MYO3B: variants seen among roughly 807,000 people sequenced by gnomAD.
MYO3B encodes the protein myosin-IIIb.
Under a neutral mutation model 174.6 loss-of-function variants are expected in MYO3B, and 156 were observed. That is an observed-to-expected ratio of 0.89 (90% CI 0.78 to 1.02). The LOEUF is 1.02. MYO3B is among the 50% of genes least tolerant of loss of function. MYO3B has a pLI of 0.00. For missense variants in MYO3B, 1,632 were observed against 1,639.4 expected (o/e 1.00, Z 0.08); for synonymous variants, 563 against 569.1 (o/e 0.99, Z 0.15).
At chr2:170,498,758 A>T in intron 26 of MYO3B, 55 bp downstream of exon 26, 1 of 1,183,068 alleles carries the variant, frequency 8.5e-7, no homozygotes, top group Non-Finnish European at 1.3e-6. Context: ...GTCTCTTGTC[A>T]GTGATGTCAC....
intron 21 of MYO3B, among the ~76,000 whole-genome samples, chr2:170,406,555 C>T (rs1387752615): frequency 6.6e-6 from 1 of 151,904 alleles, no homozygotes; most frequent in Non-Finnish European, 1.5e-5. Context: ...TATTAAGGTC[C>T]TCCTCAGAGT....
chr2:170,381,147 T>A (rs534957479), intron 9 of MYO3B, among the ~76,000 whole-genome samples: 2 of 151,724 alleles, frequency 1.3e-5, no homozygotes, highest in African/African-American at 2.4e-5. Context: ...ATAAATAAAA[T>A]TTTAAAAACA....
intron 9 of MYO3B, among the ~76,000 whole-genome samples, chr2:170,381,226 T>C (rs956633175): frequency 5.9e-5 from 9 of 152,124 alleles, no homozygotes; most frequent in African/African-American, 2.2e-4. Context: ...TACCCAGTGA[T>C]TAAAGTGACT....
At chr2:170,272,269 C>T (rs1198513723) in intron 7 of MYO3B, among the ~76,000 whole-genome samples, 1 of 152,046 alleles carries the variant, frequency 6.6e-6, no homozygotes, top group Non-Finnish European at 1.5e-5. Context: ...TTAACAAGCC[C>T]TGTGGGTGCT....
chr2:170,261,921 A>G (rs1016281029), intron 7 of MYO3B, among the ~76,000 whole-genome samples: 2 of 152,204 alleles, frequency 1.3e-5, no homozygotes, highest in Non-Finnish European at 2.9e-5. Context: ...GTGTATATAT[A>G]TGTGTGTGTA....
chr2:170,605,127 A>G (rs6433223), intron 32 of MYO3B, among the ~76,000 whole-genome samples: 39,858 of 152,084 alleles, frequency 0.26, 8,083 homozygotes, highest in African/African-American at 0.57. Context: ...GATCCAGGGC[A>G]TCTTCTCTGT....
chr2:170,366,093 C>T (rs2094195953), intron 8 of MYO3B, among the ~76,000 whole-genome samples: 1 of 152,062 alleles, frequency 6.6e-6, no homozygotes, highest in African/African-American at 2.4e-5. Flanking sequence ...TTCTTCTGTC[C>T]AGCACATGGC....
At chr2:170,278,250 T>A (rs1325044456) in intron 7 of MYO3B, among the ~76,000 whole-genome samples, 2 of 152,188 alleles carry the variant, frequency 1.3e-5, no homozygotes, top group Non-Finnish European at 2.9e-5. Context: ...CAGGTCTCCC[T>A]GCTTGAAATT....
At chr2:170,274,667 T>C (rs2093450393) in intron 7 of MYO3B, among the ~76,000 whole-genome samples, 1 of 152,166 alleles carries the variant, frequency 6.6e-6, no homozygotes, top group Non-Finnish European at 1.5e-5. Context: ...AAATGTTCTA[T>C]ATCTTGATTC....
intron 9 of MYO3B, among the ~76,000 whole-genome samples, chr2:170,379,967 A>C (rs2094323360): frequency 6.6e-6 from 1 of 152,254 alleles, no homozygotes; most frequent in Non-Finnish European, 1.5e-5. Flanking sequence ...CTCAAGACTC[A>C]ATATGCAGAG....
chr2:170,439,355 A>C (rs745600570), intron 22 of MYO3B, among the ~76,000 whole-genome samples: 3 of 151,754 alleles, frequency 2.0e-5, no homozygotes, highest in Non-Finnish European at 2.9e-5. Flanking sequence ...CTGGGTGACA[A>C]AGAAAGACTC....
At chr2:170,612,250 G>A (rs1346485671) in intron 32 of MYO3B, among the ~76,000 whole-genome samples, 1 of 152,206 alleles carries the variant, frequency 6.6e-6, no homozygotes, top group Non-Finnish European at 1.5e-5. Flanking sequence ...CCCTGGTGGT[G>A]CAAGGGCCAT....
intron 32 of MYO3B, among the ~76,000 whole-genome samples, chr2:170,564,745 A>C (rs1382540959): frequency 6.6e-5 from 10 of 152,146 alleles, no homozygotes; most frequent in African/African-American, 2.4e-4. Flanking sequence ...AAAAGTTAAG[A>C]GAACAAGTAA....
chr2:170,251,554 C>A (rs2093253794), intron 7 of MYO3B, among the ~76,000 whole-genome samples: 2 of 152,178 alleles, frequency 1.3e-5, no homozygotes, highest in South Asian at 4.1e-4. Flanking sequence ...TGACTGGTGT[C>A]TTTATGGAAA....
Position 170,542,969 on chromosome 2 carries a change from A to C in MYO3B, c.3636+3A>C, listed in dbSNP as rs561949152. The C allele has an allele frequency of 6.2e-7, 1 of 1,608,228 alleles. No homozygotes were observed. The highest frequency in any genetic ancestry group is 1.3e-5 in the African/African-American group (1 of 75,006). ...TCTTCGCAGGACATGCAAACAAGGT[A>C]GCTGGATATCTTGATTCCAAAGTAA... is the stretch of plus-strand genomic sequence containing the variant. On this transcript the variant is annotated splice_donor_region_variant and intron_variant, in intron 31 of 34. Coordinates refer to ENST00000408978, the MANE Select transcript of MYO3B (RefSeq NM_138995.5).
At chr2:170,496,764 C>CT (rs1686877508) in intron 25 of MYO3B, among the ~76,000 whole-genome samples, 1 of 151,862 alleles carries the variant, frequency 6.6e-6, no homozygotes, top group Non-Finnish European at 1.5e-5. Flanking sequence ...GTAGCTGGGA[C>CT]TACAGGCACA....
At chr2:170,402,327 T>C (rs12623374) in intron 18 of MYO3B, among the ~76,000 whole-genome samples, 22,718 of 152,178 alleles carry the variant, frequency 0.15, 2,278 homozygotes, top group East Asian at 0.51. Context: ...AATAATATCC[T>C]CTTCATAGTT....
intron 24 of MYO3B, 66 bp from the exon 25 acceptor site, chr2:170,466,440 C>G: frequency 1.4e-6 from 2 of 1,468,490 alleles, no homozygotes; most frequent in Non-Finnish European, 1.9e-6. Flanking sequence ...CTTCTGCGGG[C>G]CTGTGTTGTA....
At chr2:170,521,818 T>C (rs964323958) in intron 30 of MYO3B, among the ~76,000 whole-genome samples, 14 of 152,188 alleles carry the variant, frequency 9.2e-5, no homozygotes, top group African/African-American at 3.1e-4. Flanking sequence ...CCTCATTTCC[T>C]CACTAAACCA....
Sources: allele counts gnomAD v4.1 joint callset (sites outside exome capture counted in the v4.1 genomes callset), GRCh38; gene constraint gnomAD v4.1.1; transcripts MANE v1.5; gene names NCBI Gene and HGNC (gene_info 2026-07-23, HGNC 2026-07-21).